CEACAM7: variants seen among roughly 807,000 people sequenced by gnomAD.
CEACAM7 encodes cell adhesion molecule CEACAM7.
In CEACAM7, 24 loss-of-function variants were observed where a neutral mutation model predicts 25.7. The observed-to-expected ratio is 0.93, with a 90% CI of 0.68 to 1.31. The LOEUF (loss-of-function observed/expected upper bound fraction) is 1.31, where lower values mean the gene tolerates loss of function less well. Among genes scored for constraint, CEACAM7 ranks in the 40% most tolerant of loss-of-function variants. The pLI is 0.00. For synonymous variants in CEACAM7, 144 were observed against 129.4 expected (o/e 1.11, Z -0.77); for missense variants, 324 against 330.1 (o/e 0.98, Z 0.14).
At chr19:41,681,333 G>C (rs2072173755) in intron 3 of CEACAM7, among the ~76,000 whole-genome samples, 1 of 152,154 alleles carries the variant, frequency 6.6e-6, no homozygotes, top group Admixed American at 6.5e-5. Context: ...CGGTGGGAGT[G>C]TGAAATGGTG....
chr19:41,677,443 A>G lies in CEACAM7; in HGVS notation c.767T>C (p.Ile256Thr), dbSNP rs371586723. 60 of 1,614,086 alleles carry G rather than the reference A, an allele frequency of 3.7e-5. No homozygotes were observed. Among genetic ancestry groups the G allele is most frequent in the Middle Eastern group, 1.6e-4 (1 of 6,062 alleles). ...CAGAGCCATCCCAGCCAGTACTCCA[A>G]TCATGATGCTGACAGCGGTCCCAGC... is the stretch of plus-strand genomic sequence containing the variant. ...LSAGTAVSIM[I>T]GVLAGMALI The change falls in exon 4 of 5, where the codon ATT (isoleucine) becomes ACT (threonine). Residue 256 changes from isoleucine (I) to threonine (T), a missense_variant. By Grantham distance (89) the Ile-to-Thr change is moderately conservative. Transcript: ENST00000401731.
At chr19:41,681,383 A>G (rs529472130) in intron 3 of CEACAM7, among the ~76,000 whole-genome samples, 1 of 152,220 alleles carries the variant, frequency 6.6e-6, no homozygotes, top group Admixed American at 6.5e-5. Context: ...TCTCAAAAAA[A>G]TTAAGCAAAG....
Position 41,677,386 on chromosome 19 carries a change from G to C in CEACAM7, c.*26C>G. The C allele has an allele frequency of 6.4e-7, 1 of 1,561,228 alleles. No individual in the cohort carries two copies. On this transcript the variant is annotated 3_prime_UTR_variant, in exon 4 of 5. Coordinates refer to ENST00000401731, the MANE Select transcript of CEACAM7 (RefSeq NM_001291485.2). ...GGTCATAATACCTACCACTCTTCCC[G>C]AAATGCAGAAACTACACCAAGGCTG...
chr19:41,682,007 G>A (rs1351495180), intron 3 of CEACAM7, among the ~76,000 whole-genome samples: 1 of 152,102 alleles, frequency 6.6e-6, no homozygotes, highest in Non-Finnish European at 1.5e-5. Context: ...ATTCAATGGC[G>A]CAATCAAGGC....
At chr19:41,680,100 G>A (rs1336658405) in intron 3 of CEACAM7, among the ~76,000 whole-genome samples, 1 of 147,620 alleles carries the variant, frequency 6.8e-6, no homozygotes, top group Non-Finnish European at 1.5e-5. Context: ...GATTACATGT[G>A]TAAGCCGTTG....
In CEACAM7 at chr19:41,683,876, G is replaced by A. The variant is rs200263190; in HGVS notation, c.615C>T (p.Ser205=). ...STDNRTLVLL[S]ATKNDIGPYE... The stretch of plus-strand genomic sequence containing the variant: ...AGGGTCCTATGTCATTCTTTGTGGC[G>A]CTGAGTAGAACGAGGGTCCTGTTGT... The change falls in exon 3 of 5, where the codon AGC becomes AGT. Residue 205 remains serine (S), a synonymous_variant. Coordinates refer to ENST00000401731, the MANE Select transcript of CEACAM7 (RefSeq NM_001291485.2). 7.4e-5 allele frequency: 119 copies of A among 1,614,174 alleles called. No individual in the cohort carries two copies. The highest frequency in any genetic ancestry group is 9.6e-5 in the Non-Finnish European group (113 of 1,180,024).
At chr19:41,683,513 C>T (rs76851887) in intron 3 of CEACAM7, among the ~76,000 whole-genome samples, 775 of 152,240 alleles carry the variant, frequency 5.1e-3, no homozygotes, top group African/African-American at 0.017. Flanking sequence ...AACCAAACCC[C>T]GATGTGTTCA....
intron 3 of CEACAM7, among the ~76,000 whole-genome samples, chr19:41,679,011 G>A (rs1450167804): frequency 6.6e-6 from 1 of 152,122 alleles, no homozygotes; most frequent in African/African-American, 2.4e-5. Flanking sequence ...GTTAGCCAAT[G>A]AAGGAAATAA....
intron 3 of CEACAM7, among the ~76,000 whole-genome samples, chr19:41,683,178 C>A (rs976825266): frequency 1.3e-5 from 2 of 152,182 alleles, no homozygotes; most frequent in Non-Finnish European, 2.9e-5. Flanking sequence ...GGTACTATTG[C>A]GGTCAGTGGC....
Position 41,686,972 on chromosome 19 carries a change from T to C in CEACAM7, c.314A>G (p.Asn105Ser), listed in dbSNP as rs147992155. The part of the protein sequence containing the change: ...AHNGRETIYP[N>S]GTLLIQNVTH... Reference sequence around the variant, plus strand: ...GACGTTCTGGATCAGCAGGGTTCCATTGGGGTATATTGTCTCTCGACCGTT... The same window carrying C: ...GACGTTCTGGATCAGCAGGGTTCCACTGGGGTATATTGTCTCTCGACCGTT... Residue 105 changes from asparagine to serine, a missense_variant, in exon 2 of 5, where the codon AAT becomes AGT. Physicochemically the swap from Asn to Ser is conservative, Grantham distance 46. Transcript: ENST00000401731. The C allele has an allele frequency of 2.8e-5, 45 of 1,611,888 alleles. No individual in the cohort carries two copies. Among genetic ancestry groups the C allele is most frequent in the African/African-American group, 4.0e-5 (3 of 74,702 alleles).
chr19:41,682,693 G>C (rs1349110747), intron 3 of CEACAM7, among the ~76,000 whole-genome samples: 1 of 152,242 alleles, frequency 6.6e-6, no homozygotes, highest in Non-Finnish European at 1.5e-5. Flanking sequence ...AGCAGACTCT[G>C]AGCTGCTCCT....
chr19:41,674,842 C>T (rs1208634770), intron 4 of CEACAM7, 103 bp from the exon 5 acceptor site: 1 of 155,924 alleles, frequency 6.4e-6, no homozygotes, highest in African/African-American at 2.4e-5. Flanking sequence ...TCTATCTCTC[C>T]CTGTTTCTAC....
intron 2 of CEACAM7, among the ~76,000 whole-genome samples, chr19:41,685,459 G>A (rs2072217373): frequency 1.3e-5 from 2 of 152,128 alleles, no homozygotes; most frequent in South Asian, 2.1e-4. Context: ...TCAGTCCCTT[G>A]GAGGGACAGG....
In CEACAM7 at chr19:41,677,211, A is replaced by T. The variant is rs528874797; in HGVS notation, c.*36+165T>A. Among the ~76,000 whole-genome samples the T allele has an allele frequency of 3.9e-5, 6 of 152,346 alleles. No homozygotes were observed. In the South Asian group the frequency reaches 1.2e-3, roughly 32 times the overall value. On this transcript the variant is annotated intron_variant, in intron 4 of 4. Transcript: ENST00000401731. ...ACAGTGGAGTACAGGAAGCATGAAG[A>T]CCAGGGAAGAAGAGACCTGCAGGAA...
intron 4 of CEACAM7, among the ~76,000 whole-genome samples, chr19:41,676,330 A>T (rs2072113475): frequency 1.3e-5 from 2 of 152,124 alleles, no homozygotes; most frequent in South Asian, 4.1e-4. Flanking sequence ...TGTGGAATTT[A>T]TCTTTTTCTA....
At chr19:41,678,697 C>T (rs1301047994) in intron 3 of CEACAM7, among the ~76,000 whole-genome samples, 2 of 152,110 alleles carry the variant, frequency 1.3e-5, no homozygotes, top group Non-Finnish European at 2.9e-5. Context: ...CTAAGACTAC[C>T]TGACTTCAAG....
rs782253665 is a variant in CEACAM7, at chr19:41,686,870, A to C, written c.416T>G (p.Phe139Cys). ...GAGGTATCACTCACAGAATACGTAG[A>C]ATTGTCTGGTTACTTCTTCATTCAC... ...NLVNEEVTRQ[F>C]YVFSEPPKPS... Residue 139 changes from phenylalanine (F) to cysteine (C), a missense_variant, in exon 2 of 5, where the codon TTC (phenylalanine) becomes TGC (cysteine). Phe to Cys is a radical substitution (Grantham distance 205). Coordinates refer to ENST00000401731, the MANE Select transcript of CEACAM7 (RefSeq NM_001291485.2). 6.5e-7 allele frequency: 1 copy of C among 1,529,554 alleles called. No homozygotes were observed. Among genetic ancestry groups the C allele is most frequent in the South Asian group, 1.3e-5 (1 of 75,362 alleles). 94.7% of individuals were successfully genotyped at this position (1,529,554 alleles called of 1,614,324 possible). A position where few individuals can be genotyped will look rare whatever the true frequency, so the allele number is the denominator to read the frequency against.
chr19:41,687,902 A>T (rs182419263), intron 1 of CEACAM7, among the ~76,000 whole-genome samples, 200 bp downstream of exon 1: 7 of 152,348 alleles, frequency 4.6e-5, no homozygotes, highest in Admixed American at 4.6e-4. Context: ...AAAAGAGAAC[A>T]TGTGAGATTT....
At position 41,683,806 on chromosome 19, in the gene CEACAM7, G is replaced by A; in HGVS notation, c.685C>T (p.Pro229Ser). The part of the protein sequence containing the change: ...QNPVGASRSD[P>S]VTLNVRYESV... ...TCACAGCGGACATTCAGGGTGACTG[G>A]GTCACTGCGGCTGGCACCCACTGGG... The change falls in exon 3 of 5, where the codon CCA becomes TCA. Residue 229 changes from proline (P) to serine (S), a missense_variant. Coordinates refer to ENST00000401731, the MANE Select transcript of CEACAM7 (RefSeq NM_001291485.2). The A allele has an allele frequency of 6.2e-7, 1 of 1,614,132 alleles. No individual in the cohort carries two copies. Among genetic ancestry groups the A allele is most frequent in the Non-Finnish European group, 8.5e-7 (1 of 1,180,014 alleles).
Sources: allele counts gnomAD v4.1 joint callset (sites outside exome capture counted in the v4.1 genomes callset), GRCh38; gene constraint gnomAD v4.1.1; transcripts MANE v1.5; gene names NCBI Gene and HGNC (gene_info 2026-07-23, HGNC 2026-07-21).